The following DTL variants were observed in gnomAD, a reference collection of about 807,000 sequenced individuals.
DTL encodes the protein denticleless protein homolog.
A neutral mutation model predicts 87.0 loss-of-function variants in DTL; 46 were observed. The observed-to-expected ratio is 0.53, with a 90% confidence interval of 0.42 to 0.68. The LOEUF is 0.68. DTL is among the 30% of genes least tolerant of loss of function. The pLI, the probability that DTL is intolerant of heterozygous loss-of-function variation, is 0.00. For synonymous variants in DTL, 308 were observed against 311.2 expected, an observed-to-expected ratio of 0.99 and a Z score of 0.11; for missense variants, 737 against 869.4, an observed-to-expected ratio of 0.85 and a Z score of 1.91.
chr1:212,090,352 T>C (rs1655248492), intron 13 of DTL, among the ~76,000 whole-genome samples: 1 of 152,228 alleles, frequency 6.6e-6, no homozygotes, highest in Admixed American at 6.5e-5. Context: ...TGCCAATCTT[T>C]ATTTATGCTA....
chr1:212,087,524 T>A (rs1655166030), intron 13 of DTL, among the ~76,000 whole-genome samples: 1 of 151,408 alleles, frequency 6.6e-6, no homozygotes, highest in African/African-American at 2.4e-5. Flanking sequence ...CACTCCAGCC[T>A]GAGCGACAGA....
At chr1:212,052,169 T>TA (rs1668004242) in intron 5 of DTL, among the ~76,000 whole-genome samples, 1 of 152,192 alleles carries the variant, frequency 6.6e-6, no homozygotes, top group South Asian at 2.1e-4. Context: ...CTGTATATAA[T>TA]ATGCTGTTTT....
chr1:212,043,924 A>G (rs1329576745), intron 2 of DTL, among the ~76,000 whole-genome samples: 1 of 152,090 alleles, frequency 6.6e-6, no homozygotes, highest in Non-Finnish European at 1.5e-5. Context: ...TAAAACTAAT[A>G]GACTCCTTAT....
At chr1:212,056,922 C>G (rs1668194195) in intron 5 of DTL, among the ~76,000 whole-genome samples, 2 of 152,002 alleles carry the variant, frequency 1.3e-5, no homozygotes, top group Non-Finnish European at 2.9e-5. Context: ...TTTTGAAGAT[C>G]TTTTAAAATA....
chr1:212,097,572 A>G (rs1188164004), intron 13 of DTL, among the ~76,000 whole-genome samples: 1 of 151,480 alleles, frequency 6.6e-6, no homozygotes, highest in Non-Finnish European at 1.5e-5. Flanking sequence ...AGAAGTCATG[A>G]TTGTTTTTTA....
rs369412930 is a variant in DTL at position 212,044,733 on chromosome 1, A to G, written c.252A>G (p.Gln84=). ...TTCGATTGTATAACACAGAATCACAAAGTTTCAGAAAGAAGTGCTTCAAAG... is the reference window on the plus strand; with the variant it reads ...TTCGATTGTATAACACAGAATCACAGAGTTTCAGAAAGAAGTGCTTCAAAG... ...GFVRLYNTES[Q]SFRKKCFKEW... Residue 84 remains glutamine, a synonymous_variant, in exon 3 of 15, where the codon CAA becomes CAG. Coordinates refer to ENST00000366991, the MANE Select transcript of DTL (RefSeq NM_016448.4). 1.2e-6 allele frequency: 2 copies of G among 1,612,814 alleles called. No individual in the cohort carries two copies. Among genetic ancestry groups the G allele is most frequent in the Non-Finnish European group, 1.7e-6 (2 of 1,179,112 alleles).
At chr1:212,092,052 G>T (rs1436619472) in intron 13 of DTL, among the ~76,000 whole-genome samples, 1 of 152,094 alleles carries the variant, frequency 6.6e-6, no homozygotes, top group African/African-American at 2.4e-5. Flanking sequence ...CTGAAATTTG[G>T]TGCACCCATC....
chr1:212,100,103 A>G, intron 13 of DTL, 149 bp from the exon 14 acceptor site: 1 of 509,612 alleles, frequency 2.0e-6, no homozygotes, highest in Non-Finnish European at 3.5e-6. Flanking sequence ...AAATGATAAA[A>G]GGGTGTGGTT....
intron 11 of DTL, among the ~76,000 whole-genome samples, chr1:212,074,511 T>C (rs1383279697): frequency 6.6e-6 from 1 of 152,192 alleles, no homozygotes; most frequent in Admixed American, 6.5e-5. Flanking sequence ...CAGTGTTGAA[T>C]GACGTGGTTC....
intron 13 of DTL, among the ~76,000 whole-genome samples, chr1:212,084,581 G>A (rs1435519549): frequency 6.6e-6 from 1 of 152,152 alleles, no homozygotes; most frequent in African/African-American, 2.4e-5. Flanking sequence ...CAGACCCTCT[G>A]CCTCATAGTT....
intron 13 of DTL, among the ~76,000 whole-genome samples, chr1:212,086,471 T>C (rs1305323933): frequency 1.3e-5 from 2 of 152,212 alleles, no homozygotes; most frequent in Non-Finnish European, 2.9e-5. Flanking sequence ...TTGTACTGAA[T>C]ACGCATTTGA....
At chr1:212,047,680 C>T (rs1354908788) in intron 5 of DTL, among the ~76,000 whole-genome samples, 2 of 152,098 alleles carry the variant, frequency 1.3e-5, no homozygotes, top group Admixed American at 6.6e-5. Flanking sequence ...GGACTACAGG[C>T]GCACATCACC....
intron 13 of DTL, among the ~76,000 whole-genome samples, chr1:212,082,106 CTG>C (rs1460716726): frequency 6.6e-6 from 1 of 152,102 alleles, no homozygotes; most frequent in East Asian, 1.9e-4. Flanking sequence ...AAGAGAAAAA[CTG>C]GGAGAGTGTT....
intron 11 of DTL, among the ~76,000 whole-genome samples, chr1:212,076,735 A>G (rs1479256084): frequency 1.3e-5 from 2 of 152,210 alleles, no homozygotes; most frequent in African/African-American, 4.8e-5. Context: ...AGAGGAGGAA[A>G]GGAAAATTTC....
Position 212,100,618 on chromosome 1 carries a change from C to T in DTL, c.1628C>T (p.Ala543Val), listed in dbSNP as rs752420180. The change falls in exon 14 of 15, where the codon GCT becomes GTT. Residue 543 changes from alanine to valine, a missense_variant. Coordinates refer to ENST00000366991, the MANE Select transcript of DTL (RefSeq NM_016448.4). Reference protein sequence around the residue: ...PVSQKSSQAEACSESRNRVKR... With the variant: ...PVSQKSSQAEVCSESRNRVKR... ...AGCCAGAAGTCATCCCAAGCAGAGGCTTGCTCTGAGTCTAGAAATAGAGTA... is the reference window on the plus strand; with the variant it reads ...AGCCAGAAGTCATCCCAAGCAGAGGTTTGCTCTGAGTCTAGAAATAGAGTA... 5.0e-6 allele frequency: 8 copies of T among 1,614,012 alleles called. No homozygotes were observed. Among genetic ancestry groups the T allele is most frequent in the Non-Finnish European group, 6.8e-6 (8 of 1,180,008 alleles).
intron 3 of DTL, among the ~76,000 whole-genome samples, chr1:212,046,303 G>A (rs578196027): frequency 3.0e-4 from 46 of 152,126 alleles, no homozygotes; most frequent in Non-Finnish European, 6.0e-4. Flanking sequence ...ATTATTTTAA[G>A]TTCCAGGGTA....
At chr1:212,088,523 T>C (rs953555153) in intron 13 of DTL, among the ~76,000 whole-genome samples, 1 of 152,148 alleles carries the variant, frequency 6.6e-6, no homozygotes, top group Non-Finnish European at 1.5e-5. Flanking sequence ...CTACTTCCCC[T>C]GTGAGAGGAG....
At chr1:212,074,115 A>G (rs1254787173) in intron 11 of DTL, among the ~76,000 whole-genome samples, 1 of 151,884 alleles carries the variant, frequency 6.6e-6, no homozygotes, top group Non-Finnish European at 1.5e-5. Context: ...ATACTTATGT[A>G]TTGATCATTC....
intron 2 of DTL, 82 bp downstream of exon 2, chr1:212,043,200 C>T: frequency 1.5e-6 from 2 of 1,364,230 alleles, no homozygotes; most frequent in Admixed American, 2.6e-5. Flanking sequence ...AGAGTATTTC[C>T]CTTTCAAAGA....
Sources: gnomAD v4.1 joint callset for allele counts (sites outside exome capture counted in the v4.1 genomes callset) on GRCh38, gnomAD v4.1.1 for gene constraint, MANE v1.5 for transcripts, NCBI Gene and HGNC (gene_info 2026-07-23, HGNC 2026-07-21) for gene names.